The following EYA1 variants were observed in gnomAD, a reference collection of about 807,000 sequenced individuals.
EYA1 encodes protein phosphatase EYA1.
A neutral mutation model predicts 82.0 loss-of-function variants in EYA1; 16 were observed. The ratio of observed to expected loss-of-function variants is 0.20; its 90% CI spans 0.13 to 0.30. The LOEUF (loss-of-function observed/expected upper bound fraction) is 0.30. Ranked by LOEUF, EYA1 falls within the 10% of genes least tolerant of loss-of-function variation. The pLI, the probability that EYA1 is intolerant of heterozygous loss-of-function variation, is 1.00. For missense variants in EYA1, 633 were observed against 730.7 expected, an observed-to-expected ratio of 0.87 and a Z score of 1.54; for synonymous variants, 261 against 264.4, an observed-to-expected ratio of 0.99 and a Z score of 0.12.
At chr8:71,528,215 C>A (rs1813963029) in intron 2 of EYA1, among the ~76,000 whole-genome samples, 1 of 152,146 alleles carries the variant, frequency 6.6e-6, no homozygotes, top group African/African-American at 2.4e-5. Flanking sequence ...CAGCCACAAG[C>A]AATTTTCATC....
At chr8:71,397,895 G>A (rs375100531) in intron 2 of EYA1, among the ~76,000 whole-genome samples, 3 of 152,132 alleles carry the variant, frequency 2.0e-5, no homozygotes, top group African/African-American at 7.2e-5. Flanking sequence ...TTCCAACTTG[G>A]TTCCATTCTC....
intron 2 of EYA1, among the ~76,000 whole-genome samples, chr8:71,483,674 C>CGTGT (rs34143964): frequency 1.4e-5 from 2 of 147,880 alleles, no homozygotes; most frequent in African/African-American, 2.5e-5. Flanking sequence ...TGTGTGTGTG[C>CGTGT]GTGTGTGTGT....
intron 2 of EYA1, among the ~76,000 whole-genome samples, chr8:71,429,945 T>C (rs2129159437): frequency 6.6e-6 from 1 of 152,294 alleles, no homozygotes; most frequent in East Asian, 1.9e-4. Context: ...TCTGTGAAAA[T>C]TAGTTATGAA....
At chr8:71,211,929 T>C (rs961232143) in intron 16 of EYA1, among the ~76,000 whole-genome samples, 4 of 152,322 alleles carry the variant, frequency 2.6e-5, no homozygotes, top group African/African-American at 9.6e-5. Context: ...TGAAGCACTT[T>C]CCTGGAGGAA....
intron 7 of EYA1, among the ~76,000 whole-genome samples, chr8:71,304,195 T>C (rs12549242): frequency 0.14 from 19,949 of 142,032 alleles, 4,058 homozygotes; most frequent in East Asian, 0.54. Flanking sequence ...AGTGCTTACA[T>C]TGAGCCAGCC....
At chr8:71,315,266 A>G (rs1356153702) in intron 7 of EYA1, among the ~76,000 whole-genome samples, 1 of 152,278 alleles carries the variant, frequency 6.6e-6, no homozygotes, top group Admixed American at 6.5e-5. Context: ...TTCAATAAAC[A>G]TAAAATTTAT....
intron 2 of EYA1, among the ~76,000 whole-genome samples, chr8:71,483,060 GC>G (rs1210393823): frequency 6.6e-6 from 1 of 152,206 alleles, no homozygotes; most frequent in Non-Finnish European, 1.5e-5. Context: ...CCCTGCTCAA[GC>G]CCATGAGTGG....
chr8:71,545,170 C>T (rs1333662944), intron 1 of EYA1, among the ~76,000 whole-genome samples: 1 of 152,170 alleles, frequency 6.6e-6, no homozygotes, highest in African/African-American at 2.4e-5. Context: ...CCAGTCTGAA[C>T]CTGCTTTTTC....
At chr8:71,234,667 A>G (rs1317106199) in intron 12 of EYA1, among the ~76,000 whole-genome samples, 2 of 151,530 alleles carry the variant, frequency 1.3e-5, no homozygotes, top group Non-Finnish European at 2.9e-5. Flanking sequence ...TCTTGGCCCT[A>G]TTTCTAATTG....
At chr8:71,368,248 C>T (rs890275508) in intron 2 of EYA1, among the ~76,000 whole-genome samples, 2 of 151,520 alleles carry the variant, frequency 1.3e-5, no homozygotes, top group Non-Finnish European at 2.9e-5. Flanking sequence ...TTTTTTTAAT[C>T]AATACAAGGA....
chr8:71,462,433 T>C (rs187075433), intron 2 of EYA1, among the ~76,000 whole-genome samples: 87 of 152,248 alleles, frequency 5.7e-4, no homozygotes, highest in Admixed American at 5.0e-3. Flanking sequence ...CAACCACCCC[T>C]GAGCCTGCAG....
At chr8:71,450,558 C>G (rs151231480) in intron 2 of EYA1, among the ~76,000 whole-genome samples, 122 of 152,122 alleles carry the variant, frequency 8.0e-4, no homozygotes, top group African/African-American at 2.8e-3. Context: ...ATAACAGATA[C>G]AATAATTATG....
At chr8:71,380,320 T>C (rs1828625631) in intron 2 of EYA1, among the ~76,000 whole-genome samples, 1 of 152,206 alleles carries the variant, frequency 6.6e-6, no homozygotes, top group Non-Finnish European at 1.5e-5. Context: ...GAATGGGCAG[T>C]ACTGAGGAGA....
intron 2 of EYA1, among the ~76,000 whole-genome samples, chr8:71,356,087 T>C (rs914656337): frequency 3.9e-5 from 6 of 152,202 alleles, no homozygotes; most frequent in Admixed American, 2.0e-4. Flanking sequence ...CGCACTTACA[T>C]TGACTATGGG....
chr8:71,362,326 C>CTTA (rs1445874840), upstream of EYA1: 1 of 455,080 alleles, frequency 2.2e-6, no homozygotes, highest in East Asian at 1.6e-4. Context: ...CCCACGCTAT[C>CTTA]TGAATAAACA....
intron 3 of EYA1, among the ~76,000 whole-genome samples, chr8:71,344,043 A>G (rs922681180): frequency 2.0e-5 from 3 of 152,162 alleles, no homozygotes; most frequent in African/African-American, 4.8e-5. Flanking sequence ...TTTTTAATAT[A>G]TTTTAAAGTA....
chr8:71,453,688 A>G (rs2129182366), intron 2 of EYA1, among the ~76,000 whole-genome samples: 1 of 152,350 alleles, frequency 6.6e-6, no homozygotes, highest in Admixed American at 6.5e-5. Context: ...TAAGTGAAGG[A>G]GAAATAAAAT....
At chr8:71,407,514 G>A (rs565928921) in intron 2 of EYA1, among the ~76,000 whole-genome samples, 1 of 147,160 alleles carries the variant, frequency 6.8e-6, no homozygotes, top group African/African-American at 2.6e-5. Flanking sequence ...AACCAATACA[G>A]AGAAGTGCTT....
chr8:71,270,830 A>G (rs1032325583), intron 10 of EYA1, among the ~76,000 whole-genome samples: 1 of 152,184 alleles, frequency 6.6e-6, no homozygotes. Flanking sequence ...ATTTCAAAGT[A>G]GATTTTATGG....
Sources: gnomAD v4.1 joint callset for allele counts (sites outside exome capture counted in the v4.1 genomes callset) on GRCh38, gnomAD v4.1.1 for gene constraint, MANE v1.5 for transcripts, NCBI Gene and HGNC (gene_info 2026-07-23, HGNC 2026-07-21) for gene names.